The following TACR3 variants were observed in gnomAD, a reference collection of about 807,000 sequenced individuals.
TACR3 encodes tachykinin receptor 3.
In TACR3, 34 loss-of-function variants were observed where a neutral mutation model predicts 35.0. That is an observed-to-expected ratio of 0.97 (90% CI 0.74 to 1.30). TACR3 has a LOEUF of 1.30. TACR3 is among the 50% of genes most tolerant of loss of function. The pLI, the probability that TACR3 is intolerant of heterozygous loss-of-function variation, is 0.00. For missense variants in TACR3, 558 were observed against 591.7 expected, an observed-to-expected ratio of 0.94 and a Z score of 0.59; for synonymous variants, 233 against 221.1, an observed-to-expected ratio of 1.05 and a Z score of -0.48.
chr4:103,597,414 A>C (rs999508280), intron 3 of TACR3, among the ~76,000 whole-genome samples: 1 of 152,128 alleles, frequency 6.6e-6, no homozygotes, highest in Admixed American at 6.6e-5. Context: ...AAAAAACAAA[A>C]CACAACAAAA....
chr4:103,702,367 G>A (rs991912962), intron 1 of TACR3, among the ~76,000 whole-genome samples: 1 of 152,164 alleles, frequency 6.6e-6, no homozygotes, highest in Non-Finnish European at 1.5e-5. Context: ...TCTCACACCA[G>A]TTAGAATGGC....
intron 1 of TACR3, among the ~76,000 whole-genome samples, chr4:103,672,690 G>A (rs540235125): frequency 6.6e-6 from 1 of 152,238 alleles, no homozygotes; most frequent in African/African-American, 2.4e-5. Context: ...TAACAAATGA[G>A]CACTGGCTTA....
intron 3 of TACR3, among the ~76,000 whole-genome samples, chr4:103,636,746 T>C (rs1725201562): frequency 6.6e-6 from 1 of 152,014 alleles, no homozygotes; most frequent in East Asian, 1.9e-4. Flanking sequence ...TAAAAAATGA[T>C]AAAGGGGATA....
At chr4:103,620,125 G>A (rs559530532) in intron 3 of TACR3, among the ~76,000 whole-genome samples, 1 of 152,162 alleles carries the variant, frequency 6.6e-6, no homozygotes, top group South Asian at 2.1e-4. Flanking sequence ...CATACAAGTG[G>A]CCAACAAACA....
chr4:103,691,795 T>TAAG (rs769424873), intron 1 of TACR3, among the ~76,000 whole-genome samples: 11 of 152,340 alleles, frequency 7.2e-5, no homozygotes, highest in Admixed American at 1.3e-4. Flanking sequence ...ATCTGTGCCT[T>TAAG]AAGGACATGC....
chr4:103,651,366 C>A (rs1578243584), intron 3 of TACR3, among the ~76,000 whole-genome samples: 1 of 151,726 alleles, frequency 6.6e-6, no homozygotes. Context: ...CCTGTGGCCA[C>A]CACTGCCACA....
At chr4:103,698,170 T>G (rs1236646072) in intron 1 of TACR3, among the ~76,000 whole-genome samples, 2 of 152,012 alleles carry the variant, frequency 1.3e-5, no homozygotes, top group Admixed American at 6.5e-5. Flanking sequence ...TTAAAGAAAT[T>G]TGAATGTATT....
At chr4:103,628,841 A>ACAAAAAAAAG (rs370687152) in intron 3 of TACR3, among the ~76,000 whole-genome samples, 1 of 151,120 alleles carries the variant, frequency 6.6e-6, no homozygotes, top group Non-Finnish European at 1.5e-5. Context: ...CAGAGATAAA[A>ACAAAAAAAAG]AGAATTTTAG....
chr4:103,695,406 G>A (rs1386962766), intron 1 of TACR3, among the ~76,000 whole-genome samples: 1 of 152,032 alleles, frequency 6.6e-6, no homozygotes, highest in Non-Finnish European at 1.5e-5. Context: ...ACAAGATGAT[G>A]AGAATAAAGA....
chr4:103,698,284 CTTCAT>C, intron 1 of TACR3, among the ~76,000 whole-genome samples: 1 of 151,932 alleles, frequency 6.6e-6, no homozygotes, highest in Non-Finnish European at 1.5e-5. Flanking sequence ...TAAAAATTTA[CTTCAT>C]TTATACACCT....
intron 3 of TACR3, among the ~76,000 whole-genome samples, chr4:103,599,113 A>G (rs189630620): frequency 2.0e-5 from 3 of 152,124 alleles, no homozygotes; most frequent in Non-Finnish European, 2.9e-5. Flanking sequence ...ATTTGTTTGT[A>G]TCCTCTTTTA....
At chr4:103,609,027 T>C (rs1724451783) in intron 3 of TACR3, among the ~76,000 whole-genome samples, 1 of 152,110 alleles carries the variant, frequency 6.6e-6, no homozygotes. Flanking sequence ...AGTGTATTCT[T>C]CCCTAAATCA....
intron 1 of TACR3, among the ~76,000 whole-genome samples, chr4:103,677,800 C>T (rs1050806151): frequency 2.6e-5 from 4 of 151,938 alleles, no homozygotes; most frequent in African/African-American, 4.8e-5. Context: ...TTTGGCAAAC[C>T]ACCATGGTAC....
intron 3 of TACR3, among the ~76,000 whole-genome samples, chr4:103,628,749 AACT>A (rs1724973450): frequency 6.6e-6 from 1 of 152,214 alleles, no homozygotes; most frequent in Non-Finnish European, 1.5e-5. Context: ...TTCCTTGTGA[AACT>A]ATTCCAATCA....
intron 1 of TACR3, among the ~76,000 whole-genome samples, chr4:103,673,462 A>G (rs1726094647): frequency 6.6e-6 from 1 of 152,190 alleles, no homozygotes; most frequent in South Asian, 2.1e-4. Flanking sequence ...GAAGAGAGTC[A>G]GGAGCACATG....
At position 103,621,339 on chromosome 4, in the gene TACR3, G is replaced by A. The variant is rs118164646; in HGVS notation, c.889-29656C>T. Reference sequence around the variant, plus strand: ...ACAAGGTATGCTGATGAAGAAGCTGGGAGATAAGGATGGAGATGAGAATAG... The same window carrying A: ...ACAAGGTATGCTGATGAAGAAGCTGAGAGATAAGGATGGAGATGAGAATAG... On this transcript the variant is annotated intron_variant, in intron 3 of 4. Transcript: ENST00000304883. Among the ~76,000 whole-genome samples, 12 of 152,236 alleles carry A rather than the reference G, an allele frequency of 7.9e-5. No individual in the cohort carries two copies. In the East Asian group the frequency reaches 2.3e-3, roughly 29 times the overall value.
chr4:103,649,687 CT>C (rs1191380959), intron 3 of TACR3, among the ~76,000 whole-genome samples: 1 of 151,980 alleles, frequency 6.6e-6, no homozygotes, highest in African/African-American at 2.4e-5. Flanking sequence ...TTTCTTGATT[CT>C]TTTTAATTAT....
At chr4:103,593,122 G>GA (rs2110284035) in intron 3 of TACR3, among the ~76,000 whole-genome samples, 1 of 152,050 alleles carries the variant, frequency 6.6e-6, no homozygotes, top group East Asian at 1.9e-4. Context: ...ATATATTTGT[G>GA]AAAAACAAAT....
At chr4:103,610,672 C>T (rs1724493061) in intron 3 of TACR3, among the ~76,000 whole-genome samples, 1 of 152,050 alleles carries the variant, frequency 6.6e-6, no homozygotes, top group Non-Finnish European at 1.5e-5. Flanking sequence ...ATTTCTCTTG[C>T]TTTTGAGGTC....
Sources: allele counts gnomAD v4.1 joint callset (sites outside exome capture counted in the v4.1 genomes callset), GRCh38; gene constraint gnomAD v4.1.1; transcripts MANE v1.5; gene names NCBI Gene and HGNC (gene_info 2026-07-23, HGNC 2026-07-21).